PCDH9: variants seen among roughly 807,000 people sequenced by gnomAD.
PCDH9 encodes protocadherin 9.
PCDH9 carries 24 observed loss-of-function variants against 70.6 expected under a neutral mutation model. The ratio of observed to expected loss-of-function variants is 0.34; its 90% CI spans 0.25 to 0.48. The LOEUF is 0.48. Ranked by LOEUF, PCDH9 falls within the 20% of genes least tolerant of loss-of-function variation. The pLI, the probability that PCDH9 is intolerant of heterozygous loss-of-function variation, is 0.99. For missense variants in PCDH9, 1,281 were observed against 1,503.6 expected (o/e 0.85, Z 2.45); for synonymous variants, 562 against 558.5 (o/e 1.01, Z -0.09).
intron 2 of PCDH9, among the ~76,000 whole-genome samples, chr13:67,051,379 AAGATTTTTTT>A (rs2085319477): frequency 8.4e-6 from 1 of 118,798 alleles, no homozygotes; most frequent in African/African-American, 3.1e-5. Context: ...AAAACAATAC[AAGATTTTTTT>A]TTTTTTTTTT....
intron 4 of PCDH9, among the ~76,000 whole-genome samples, chr13:66,627,917 G>A (rs964739134): frequency 1.3e-5 from 2 of 152,176 alleles, no homozygotes; most frequent in East Asian, 1.9e-4. Context: ...TGCCTAGGTC[G>A]AAGTCACTGG....
intron 3 of PCDH9, among the ~76,000 whole-genome samples, chr13:66,634,865 A>G (rs1033229522): frequency 6.6e-5 from 10 of 152,242 alleles, no homozygotes; most frequent in African/African-American, 2.2e-4. Flanking sequence ...CTCACCATGC[A>G]ACCTATTGAT....
intron 2 of PCDH9, among the ~76,000 whole-genome samples, chr13:66,980,281 G>T (rs2083715597): frequency 1.3e-5 from 2 of 151,944 alleles, no homozygotes. Context: ...AATCCATCCA[G>T]AGATGATCTT....
chr13:66,779,370 T>A (rs2079951959), intron 3 of PCDH9, among the ~76,000 whole-genome samples: 1 of 152,140 alleles, frequency 6.6e-6, no homozygotes, highest in African/African-American at 2.4e-5. Flanking sequence ...AAATAATCTG[T>A]GGGACATGCA....
At chr13:66,931,737 C>T (rs1318458658) in intron 2 of PCDH9, among the ~76,000 whole-genome samples, 1 of 152,104 alleles carries the variant, frequency 6.6e-6, no homozygotes, top group East Asian at 1.9e-4. Context: ...CTGATATCAT[C>T]AGCCATCGAT....
At chr13:67,192,881 C>T (rs2088956028) in intron 2 of PCDH9, among the ~76,000 whole-genome samples, 1 of 152,096 alleles carries the variant, frequency 6.6e-6, no homozygotes, top group Non-Finnish European at 1.5e-5. Context: ...AAGGACAGTT[C>T]ACGTAAGATA....
chr13:66,725,591 A>AT (rs537350923), intron 3 of PCDH9, among the ~76,000 whole-genome samples: 1 of 152,132 alleles, frequency 6.6e-6, no homozygotes, highest in Non-Finnish European at 1.5e-5. Flanking sequence ...ATAGAGTGTG[A>AT]TTTTTTTCAA....
At chr13:66,650,458 G>C (rs2077835136) in intron 3 of PCDH9, among the ~76,000 whole-genome samples, 1 of 151,850 alleles carries the variant, frequency 6.6e-6, no homozygotes, top group Non-Finnish European at 1.5e-5. Flanking sequence ...CTCAGCACTG[G>C]AGCACCCAGA....
chr13:66,787,835 A>G (rs1473438986), intron 3 of PCDH9, among the ~76,000 whole-genome samples: 1 of 152,146 alleles, frequency 6.6e-6, no homozygotes, highest in Non-Finnish European at 1.5e-5. Flanking sequence ...CTTCTATTTA[A>G]CTATGACACA....
chr13:67,222,508 C>A (rs1308717952), intron 2 of PCDH9: 2 of 152,016 alleles, frequency 1.3e-5, no homozygotes, highest in Non-Finnish European at 2.9e-5. Context: ...GTACCACAAA[C>A]AAATTCATGA....
intron 3 of PCDH9, among the ~76,000 whole-genome samples, chr13:66,700,856 A>G (rs1238260227): frequency 2.9e-4 from 42 of 147,272 alleles, no homozygotes; most frequent in Non-Finnish European, 5.1e-4. Flanking sequence ...TTCCTTTTAT[A>G]TGCTTTGAAA....
intron 2 of PCDH9, among the ~76,000 whole-genome samples, chr13:67,190,671 C>A (rs2088886655): frequency 6.6e-6 from 1 of 151,956 alleles, no homozygotes; most frequent in East Asian, 1.9e-4. Context: ...TGCCCAAATA[C>A]ACTAATAATA....
At chr13:66,487,495 A>G (rs763853766) in intron 4 of PCDH9, among the ~76,000 whole-genome samples, 3 of 152,190 alleles carry the variant, frequency 2.0e-5, no homozygotes, top group Non-Finnish European at 4.4e-5. Flanking sequence ...TTAATATAGC[A>G]CTGCCTATTT....
chr13:66,873,366 T>C (rs2081733670), intron 3 of PCDH9, among the ~76,000 whole-genome samples: 2 of 152,154 alleles, frequency 1.3e-5, no homozygotes, highest in Non-Finnish European at 2.9e-5. Context: ...ATTTAAAGTA[T>C]AAAATCTTAA....
intron 4 of PCDH9, among the ~76,000 whole-genome samples, chr13:66,430,604 G>C (rs1566319420): frequency 6.6e-6 from 1 of 152,056 alleles, no homozygotes; most frequent in Non-Finnish European, 1.5e-5. Context: ...CCCACATGGT[G>C]AGAGGGTCCT....
chr13:66,562,588 CT>C (rs1321027665), intron 4 of PCDH9, among the ~76,000 whole-genome samples: 1 of 152,158 alleles, frequency 6.6e-6, no homozygotes, highest in African/African-American at 2.4e-5. Flanking sequence ...ACCATCAGAT[CT>C]TGTGGGACAT....
At chr13:66,480,799 C>G (rs1218808190) in intron 4 of PCDH9, among the ~76,000 whole-genome samples, 1 of 152,154 alleles carries the variant, frequency 6.6e-6, no homozygotes, top group Non-Finnish European at 1.5e-5. Context: ...ACCCAGCAAT[C>G]CCATTTCTGG....
intron 3 of PCDH9, among the ~76,000 whole-genome samples, chr13:66,707,039 T>C (rs2078720605): frequency 6.6e-6 from 1 of 152,168 alleles, no homozygotes; most frequent in East Asian, 1.9e-4. Context: ...ATCTTCCCAA[T>C]TAATATGAGC....
chr13:66,775,677 T>G (rs2079879233), intron 3 of PCDH9, among the ~76,000 whole-genome samples: 1 of 152,254 alleles, frequency 6.6e-6, no homozygotes, highest in African/African-American at 2.4e-5. Flanking sequence ...TAGCTTACTT[T>G]ATATTGTAGG....
Sources: gnomAD v4.1 joint callset for allele counts (sites outside exome capture counted in the v4.1 genomes callset) on GRCh38, gnomAD v4.1.1 for gene constraint, MANE v1.5 for transcripts, NCBI Gene and HGNC (gene_info 2026-07-23, HGNC 2026-07-21) for gene names.